KDM4C: variants seen among roughly 807,000 people sequenced by gnomAD.
KDM4C encodes lysine-specific demethylase 4C.
In KDM4C, 81 loss-of-function variants were observed where a neutral mutation model predicts 129.3. The ratio of observed to expected loss-of-function variants is 0.63; its 90% CI spans 0.52 to 0.75. KDM4C has a LOEUF of 0.75. KDM4C is among the 30% of genes least tolerant of loss of function. The pLI is 0.00. For missense variants in KDM4C, 1,457 were observed against 1,304.0 expected, an observed-to-expected ratio of 1.12 and a Z score of -1.81; for synonymous variants, 573 against 456.1, an observed-to-expected ratio of 1.26 and a Z score of -3.26.
intron 18 of KDM4C, among the ~76,000 whole-genome samples, chr9:7,109,391 T>A (rs1008651537): frequency 6.6e-6 from 1 of 152,134 alleles, no homozygotes; most frequent in African/African-American, 2.4e-5. Flanking sequence ...GAACAATATC[T>A]CTCTCCAACT....
intron 19 of KDM4C, among the ~76,000 whole-genome samples, chr9:7,164,938 C>T (rs940210502): frequency 3.3e-5 from 5 of 152,110 alleles, no homozygotes; most frequent in Admixed American, 2.6e-4. Context: ...TCAGCTAAAG[C>T]GGTTTCTATG....
chr9:7,027,293 C>G (rs992170865), intron 15 of KDM4C, among the ~76,000 whole-genome samples: 2 of 152,228 alleles, frequency 1.3e-5, no homozygotes, highest in Non-Finnish European at 2.9e-5. Context: ...TCTGCATTAG[C>G]AGACACCCCA....
chr9:6,830,729 G>A (rs1834673557), intron 4 of KDM4C, among the ~76,000 whole-genome samples: 1 of 152,176 alleles, frequency 6.6e-6, no homozygotes, highest in African/African-American at 2.4e-5. Context: ...AATGAAGAAT[G>A]AAAATGAGGC....
At chr9:6,879,825 TA>T (rs1045927167) in intron 5 of KDM4C, among the ~76,000 whole-genome samples, 186 bp from the exon 6 acceptor site, 2 of 152,210 alleles carry the variant, frequency 1.3e-5, no homozygotes, top group Admixed American at 6.5e-5. Context: ...TTTATAGGCA[TA>T]TTTTTTTTCT....
intron 17 of KDM4C, among the ~76,000 whole-genome samples, chr9:7,086,832 A>G (rs748419595): frequency 6.6e-6 from 1 of 152,130 alleles, no homozygotes; most frequent in Non-Finnish European, 1.5e-5. Context: ...ACTTTTTTCT[A>G]AAGTTGATCT....
intron 4 of KDM4C, among the ~76,000 whole-genome samples, chr9:6,847,538 C>T (rs1478552345): frequency 6.6e-6 from 1 of 152,034 alleles, no homozygotes; most frequent in Non-Finnish European, 1.5e-5. Flanking sequence ...CTACAGACGC[C>T]CGCCACCAGG....
At chr9:6,825,017 G>A (rs936425350) in intron 4 of KDM4C, among the ~76,000 whole-genome samples, 1 of 151,982 alleles carries the variant, frequency 6.6e-6, no homozygotes, top group Non-Finnish European at 1.5e-5. Context: ...GTGGTGACAT[G>A]CACCTGTAGT....
chr9:7,085,570 G>A (rs997744355), intron 17 of KDM4C, among the ~76,000 whole-genome samples: 5 of 152,128 alleles, frequency 3.3e-5, no homozygotes, highest in African/African-American at 4.8e-5. Flanking sequence ...TTTTGCTTGA[G>A]GATGGCATCA....
intron 5 of KDM4C, among the ~76,000 whole-genome samples, chr9:6,873,593 A>T (rs994702281): frequency 6.6e-6 from 1 of 152,176 alleles, no homozygotes; most frequent in Admixed American, 6.5e-5. Context: ...CACCTCTCTC[A>T]GTCTTCATAG....
intron 15 of KDM4C, among the ~76,000 whole-genome samples, chr9:7,027,763 G>C (rs1469107488): frequency 6.6e-6 from 1 of 152,180 alleles, no homozygotes; most frequent in African/African-American, 2.4e-5. Context: ...AAGTCTTTCT[G>C]GTGTTCTGCT....
intron 20 of KDM4C, among the ~76,000 whole-genome samples, chr9:7,166,329 C>G (rs933115937): frequency 2.0e-5 from 3 of 152,082 alleles, no homozygotes; most frequent in Non-Finnish European, 2.9e-5. Flanking sequence ...GGACCTGGAG[C>G]ACAGTGTAAT....
chr9:7,102,262 C>T (rs190116675), intron 17 of KDM4C, among the ~76,000 whole-genome samples: 32 of 149,194 alleles, frequency 2.1e-4, no homozygotes, highest in African/African-American at 7.4e-4. Flanking sequence ...ACACTTAGAC[C>T]ATGAAGGGCC....
chr9:6,784,399 T>G (rs1044634243), intron 1 of KDM4C, among the ~76,000 whole-genome samples: 1 of 152,118 alleles, frequency 6.6e-6, no homozygotes, highest in African/African-American at 2.4e-5. Context: ...TGGCTAATTT[T>G]TTTTGTATTA....
chr9:7,022,202 A>T (rs1824991527), intron 15 of KDM4C, among the ~76,000 whole-genome samples: 1 of 152,060 alleles, frequency 6.6e-6, no homozygotes. Flanking sequence ...TGTCTTTAGT[A>T]TTTTGATAGG....
intron 8 of KDM4C, among the ~76,000 whole-genome samples, chr9:6,904,637 T>A (rs929076880): frequency 3.0e-4 from 46 of 152,226 alleles, no homozygotes; most frequent in African/African-American, 1.0e-3. Flanking sequence ...CTTATTCCAC[T>A]ACAGTTAATA....
intron 18 of KDM4C, among the ~76,000 whole-genome samples, chr9:7,119,972 T>C (rs1389215455): frequency 6.6e-6 from 1 of 152,192 alleles, no homozygotes; most frequent in East Asian, 1.9e-4. Flanking sequence ...CTCATTATTT[T>C]ATTTTTATTC....
chr9:6,727,607 A>T lies in KDM4C; in HGVS notation c.49+6610A>T, dbSNP rs1817179770. Among the ~76,000 whole-genome samples, 2 of 96,870 alleles carry T rather than the reference A, an allele frequency of 2.1e-5. 1 individual carries two copies. Among genetic ancestry groups the T allele is most frequent in the South Asian group, 6.2e-4 (2 of 3,234 alleles). 63.6% of individuals were successfully genotyped at this position (96,870 alleles called of 152,430 possible). ...CAGTCTCTACTAAAATAAAAAAAAA[A>T]CTTGTACTAGTGTTGTAACTTTCCA... On this transcript the variant is annotated intron_variant, in intron 1 of 17. Transcript: ENST00000536108.
intron 17 of KDM4C, among the ~76,000 whole-genome samples, chr9:7,064,603 A>G (rs1363348551): frequency 1.3e-5 from 2 of 152,232 alleles, no homozygotes; most frequent in African/African-American, 4.8e-5. Flanking sequence ...TGGTCCTGCA[A>G]CGTGCAAGGC....
At chr9:6,819,826 C>A (rs190466245) in intron 4 of KDM4C, among the ~76,000 whole-genome samples, 63 of 152,272 alleles carry the variant, frequency 4.1e-4, no homozygotes, top group African/African-American at 1.4e-3. Flanking sequence ...TTGCTGTTGA[C>A]TGTCTTATCT....
Sources: allele counts gnomAD v4.1 joint callset (sites outside exome capture counted in the v4.1 genomes callset), GRCh38; gene constraint gnomAD v4.1.1; transcripts MANE v1.5; gene names NCBI Gene and HGNC (gene_info 2026-07-23, HGNC 2026-07-21).